DCAKD: variants seen among roughly 807,000 people sequenced by gnomAD.
The protein encoded by DCAKD is dephospho-CoA kinase domain containing.
Under a neutral mutation model 18.7 loss-of-function variants are expected in DCAKD, and 15 were observed. That is an observed-to-expected ratio of 0.80 (90% CI 0.54 to 1.24). The LOEUF (loss-of-function observed/expected upper bound fraction) is 1.24. DCAKD is among the 50% of genes most tolerant of loss of function. The pLI, the probability that DCAKD is intolerant of heterozygous loss-of-function variation, is 0.00. For synonymous variants in DCAKD, 130 were observed against 133.0 expected (o/e 0.98, Z 0.16); for missense variants, 301 against 322.0 (o/e 0.93, Z 0.50).
chr17:45,050,037 T>TG (rs2053657412), intron 1 of DCAKD, among the ~76,000 whole-genome samples: 1 of 58,980 alleles, frequency 1.7e-5, no homozygotes, highest in African/African-American at 8.4e-5. Flanking sequence ...AGCAGGTAAT[T>TG]TTTTCTTTCT....
chr17:45,050,640 C>T (rs371604519), intron 1 of DCAKD, among the ~76,000 whole-genome samples: 9 of 152,056 alleles, frequency 5.9e-5, no homozygotes, highest in East Asian at 3.9e-4. Context: ...TGTGCCACAC[C>T]AACTCAATCT....
chr17:45,036,035 G>T lies in DCAKD; in HGVS notation c.-114-1036C>A, dbSNP rs114963334. ...AAGGCCAGGAGGCTGGGCGATGCTGGTGGTGTGACTTTGAGCTGGCGTCGT... is the reference window on the plus strand; with the variant it reads ...AAGGCCAGGAGGCTGGGCGATGCTGTTGGTGTGACTTTGAGCTGGCGTCGT... On this transcript the variant is annotated intron_variant, in intron 1 of 4. Transcript: ENST00000651974. 8.5e-3 allele frequency among the ~76,000 whole-genome samples: 1,288 copies of T among 152,296 alleles called. 20 individuals are homozygous for T. Among genetic ancestry groups the T allele is most frequent in the African/African-American group, 0.029 (1,206 of 41,572 alleles).
At chr17:45,057,954 T>C (rs1299716495) in intron 1 of DCAKD, among the ~76,000 whole-genome samples, 1 of 135,278 alleles carries the variant, frequency 7.4e-6, no homozygotes, top group Non-Finnish European at 1.5e-5. Flanking sequence ...GAGGTTGCAA[T>C]GAGTCGAGAT....
chr17:45,028,233 C>T (rs1159706707), intron 4 of DCAKD, among the ~76,000 whole-genome samples: 3 of 150,998 alleles, frequency 2.0e-5, no homozygotes, highest in Non-Finnish European at 4.4e-5. Flanking sequence ...CTCAGCCTCC[C>T]GAGTAGCTGG....
At position 45,026,449 on chromosome 17, in the gene DCAKD, A is replaced by G. The variant is rs536622939; in HGVS notation, c.405-1725T>C. 7 of 202,390 alleles carry G rather than the reference A, an allele frequency of 3.5e-5. No homozygotes were observed. The South Asian group carries it at 1.3e-3, about 36-fold the overall frequency. 12.5% of individuals were successfully genotyped at this position (202,390 alleles called of 1,614,324 possible). A position where few individuals can be genotyped will look rare whatever the true frequency, so the allele number is the denominator to read the frequency against. On this transcript the variant is annotated intron_variant, in intron 4 of 4. Transcript: ENST00000651974. The stretch of plus-strand genomic sequence containing the variant: ...CACCATGTTAGCCAGGATGGTCTCG[A>G]TCTCCTGACCTTGTGATCTGCCTGC...
intron 1 of DCAKD, among the ~76,000 whole-genome samples, chr17:45,051,058 T>C (rs372061492): frequency 3.9e-5 from 6 of 152,202 alleles, no homozygotes; most frequent in African/African-American, 1.4e-4. Context: ...AAGCACTTTA[T>C]ACCCACCCTA....
intron 4 of DCAKD, 44 bp downstream of exon 4, chr17:45,030,048 C>T (rs1479052659): frequency 1.3e-6 from 2 of 1,544,978 alleles, no homozygotes; most frequent in Non-Finnish European, 1.8e-6. Context: ...TTCCCAGATA[C>T]CCCCATGGTC....
intron 1 of DCAKD, among the ~76,000 whole-genome samples, chr17:45,046,482 G>A (rs2053571390): frequency 6.6e-6 from 1 of 152,002 alleles, no homozygotes; most frequent in Admixed American, 6.6e-5. Context: ...CAGGCGTGGT[G>A]GTGCGTGCCT....
At chr17:45,026,702 T>C (rs2053063066) in intron 4 of DCAKD, 2 of 985,290 alleles carry the variant, frequency 2.0e-6, no homozygotes, top group African/African-American at 1.7e-5. Context: ...AAATGAATTA[T>C]ACGAGCTATA....
chr17:45,051,065 C>T lies in DCAKD; in HGVS notation c.-115+296G>A, dbSNP rs144094015. Among the ~76,000 whole-genome samples, 31 of 152,320 alleles carry T rather than the reference C, an allele frequency of 2.0e-4. No homozygotes were observed. The East Asian group carries it at 5.4e-3, about 27-fold the overall frequency. On this transcript the variant is annotated intron_variant, in intron 1 of 4. Coordinates refer to ENST00000651974, the MANE Select transcript of DCAKD (RefSeq NM_001288655.2). Reference sequence around the variant, plus strand: ...CAACAGTAAAGCACTTTATACCCACCCTATGGGACAGATACTGTAGCTTTA... The same window carrying T: ...CAACAGTAAAGCACTTTATACCCACTCTATGGGACAGATACTGTAGCTTTA...
At chr17:45,053,524 C>T (rs543690051), upstream of DCAKD, among the ~76,000 whole-genome samples, 10 of 152,022 alleles carry the variant, frequency 6.6e-5, no homozygotes, top group African/African-American at 1.4e-4. Context: ...CGGGTTCAAG[C>T]GATTCTCCTG....
At chr17:45,055,827 A>G (rs1448936006), upstream of DCAKD, among the ~76,000 whole-genome samples, 1 of 152,110 alleles carries the variant, frequency 6.6e-6, no homozygotes, top group Non-Finnish European at 1.5e-5. Flanking sequence ...ATGAATCACA[A>G]TCTATCTCAT....
At chr17:45,050,706 G>A (rs1288831695) in intron 1 of DCAKD, among the ~76,000 whole-genome samples, 1 of 152,032 alleles carries the variant, frequency 6.6e-6, no homozygotes, top group Non-Finnish European at 1.5e-5. Flanking sequence ...ACACGTTTAA[G>A]ACATAAAACA....
chr17:45,035,143 A>C, intron 1 of DCAKD, 144 bp from the exon 2 acceptor site: 1 of 442,908 alleles, frequency 2.3e-6, no homozygotes, highest in Non-Finnish European at 4.1e-6. Flanking sequence ...GGAGAGGAGA[A>C]ACCCTCCAGG....
rs140120032 is a variant in DCAKD at position 45,030,240 on chromosome 17, A to AT, written c.317-62dup. On this transcript the variant is annotated intron_variant, in intron 3 of 4. Transcript: ENST00000651974. ...TGCAAGCGCACACTGAGGACTGATG[A>AT]TATGCTGGGCCCCACCGTCCAGAGC... 1.5e-3 allele frequency: 2,288 copies of AT among 1,493,466 alleles called. 33 individuals carry two copies. The African/African-American group carries it at 0.027, about 18-fold the overall frequency. The allele number at this position is 1,493,466 out of a possible 1,614,324, so 92.5% of individuals were successfully genotyped here.
intron 1 of DCAKD, among the ~76,000 whole-genome samples, chr17:45,043,420 G>T (rs1427501990): frequency 6.6e-6 from 1 of 152,190 alleles, no homozygotes; most frequent in Admixed American, 6.5e-5. Context: ...ACTTAAGGGT[G>T]TATGTATGTC....
At chr17:45,026,967 T>G (rs1280428532) in intron 4 of DCAKD, 1 of 245,646 alleles carries the variant, frequency 4.1e-6, no homozygotes, top group Non-Finnish European at 6.5e-6. Context: ...GAAATGGTCC[T>G]ATTCTAGTTA....
chr17:45,044,967 G>A (rs981055072), intron 1 of DCAKD, among the ~76,000 whole-genome samples: 1 of 152,216 alleles, frequency 6.6e-6, no homozygotes, highest in Non-Finnish European at 1.5e-5. Flanking sequence ...GAGGGTCAGG[G>A]CATGGAGTTT....
intron 1 of DCAKD, among the ~76,000 whole-genome samples, chr17:45,047,062 T>C (rs2053585820): frequency 6.6e-6 from 1 of 151,894 alleles, no homozygotes; most frequent in East Asian, 1.9e-4. Flanking sequence ...ACTGACAGAT[T>C]ATTAATAATT....
Sources: allele counts gnomAD v4.1 joint callset (sites outside exome capture counted in the v4.1 genomes callset), GRCh38; gene constraint gnomAD v4.1.1; transcripts MANE v1.5; gene names NCBI Gene and HGNC (gene_info 2026-07-23, HGNC 2026-07-21).